LRFN5: variants seen among roughly 807,000 people sequenced by gnomAD.
LRFN5 encodes the protein leucine rich repeat and fibronectin type III domain containing 5.
In LRFN5, 24 loss-of-function variants were observed where a neutral mutation model predicts 45.6. That is an observed-to-expected ratio of 0.53 (90% CI 0.38 to 0.74). LRFN5 has a LOEUF of 0.74. Ranked by LOEUF, LRFN5 falls within the 30% of genes least tolerant of loss-of-function variation. The probability of loss-of-function intolerance (pLI) is 0.00; values close to 1 mark genes in which losing one functional copy is unlikely to be tolerated. For synonymous variants in LRFN5, 340 were observed against 313.8 expected, an observed-to-expected ratio of 1.08 and a Z score of -0.88; for missense variants, 776 against 861.5, an observed-to-expected ratio of 0.90 and a Z score of 1.24.
intron 2 of LRFN5, among the ~76,000 whole-genome samples, chr14:41,875,919 G>A (rs756823324): frequency 3.9e-5 from 6 of 152,130 alleles, no homozygotes; most frequent in East Asian, 1.9e-4. Context: ...TATAGGCCAC[G>A]TATTTAACCA....
At chr14:41,795,565 G>A (rs1196693798) in intron 2 of LRFN5, among the ~76,000 whole-genome samples, 1 of 152,172 alleles carries the variant, frequency 6.6e-6, no homozygotes, top group African/African-American at 2.4e-5. Flanking sequence ...AGAAAATGTG[G>A]CACATATACA....
chr14:41,821,890 A>T (rs1364887835), intron 2 of LRFN5, among the ~76,000 whole-genome samples: 1 of 151,404 alleles, frequency 6.6e-6, no homozygotes, highest in African/African-American at 2.4e-5. Flanking sequence ...CAGTCCTGGG[A>T]GGTTGGATGT....
At chr14:41,879,253 TATG>T (rs1250603950) in intron 2 of LRFN5, among the ~76,000 whole-genome samples, 5 of 151,900 alleles carry the variant, frequency 3.3e-5, no homozygotes, top group Non-Finnish European at 7.4e-5. Context: ...GTTCCTAAAA[TATG>T]ATTAAGTTTT....
chr14:41,674,400 G>A (rs1200889001), intron 1 of LRFN5, among the ~76,000 whole-genome samples: 7 of 132,394 alleles, frequency 5.3e-5, no homozygotes, highest in African/African-American at 1.4e-4. Flanking sequence ...CCTCCCTCCC[G>A]GACGGGGCGG....
intron 2 of LRFN5, among the ~76,000 whole-genome samples, chr14:41,803,186 C>A (rs866685678): frequency 1.8e-4 from 27 of 152,184 alleles, no homozygotes; most frequent in African/African-American, 6.0e-4. Context: ...ATCCCCAGAA[C>A]AAATAATATA....
At position 41,886,820 on chromosome 14, in the gene LRFN5, T is replaced by C. The variant is rs1890589195; in HGVS notation, c.195T>C (p.Asn65=). ...ELRLADNFVT[N]IKRKDFANMT... The stretch of plus-strand genomic sequence containing the variant: ...GGTTGGCAGACAATTTTGTTACAAA[T>C]ATTAAAAGGAAAGATTTTGCCAATA... The change falls in exon 3 of 6, where the codon AAT becomes AAC. Residue 65 remains asparagine, a synonymous_variant. Transcript: ENST00000298119. 6.2e-7 allele frequency: 1 copy of C among 1,614,054 alleles called. No individual in the cohort carries two copies. The highest frequency in any genetic ancestry group is 1.3e-5 in the African/African-American group (1 of 75,034).
intron 2 of LRFN5, among the ~76,000 whole-genome samples, chr14:41,783,553 G>A (rs532683164): frequency 1.3e-5 from 2 of 152,176 alleles, no homozygotes; most frequent in South Asian, 2.1e-4. Flanking sequence ...ATTTTGGTTG[G>A]TAGTTTAGAG....
At chr14:41,690,417 G>C (rs1339728449) in intron 1 of LRFN5, among the ~76,000 whole-genome samples, 1 of 152,068 alleles carries the variant, frequency 6.6e-6, no homozygotes, top group African/African-American at 2.4e-5. Context: ...GCCGGGCATG[G>C]TGGTGTGCAC....
intron 1 of LRFN5, among the ~76,000 whole-genome samples, chr14:41,650,879 CAG>C (rs1165170049): frequency 1.1e-5 from 1 of 89,818 alleles, no homozygotes; most frequent in Non-Finnish European, 1.9e-5. Context: ...AACAAAGAGA[CAG>C]AGAAAGAGAG....
At chr14:41,669,938 T>TAA (rs11418822) in intron 1 of LRFN5, among the ~76,000 whole-genome samples, 1 of 148,906 alleles carries the variant, frequency 6.7e-6, no homozygotes, top group African/African-American at 2.5e-5. Context: ...TATAGTTAAA[T>TAA]AAAAAAAATT....
At chr14:41,647,225 T>C (rs778162853) in intron 1 of LRFN5, among the ~76,000 whole-genome samples, 11 of 152,158 alleles carry the variant, frequency 7.2e-5, no homozygotes, top group Non-Finnish European at 1.5e-4. Flanking sequence ...TAAAATTTTT[T>C]CGATGTCACC....
chr14:41,832,283 C>T (rs900256424), intron 2 of LRFN5, among the ~76,000 whole-genome samples: 1 of 152,162 alleles, frequency 6.6e-6, no homozygotes, highest in African/African-American at 2.4e-5. Flanking sequence ...GGGTTGTTAA[C>T]ATTTTCCATT....
chr14:41,901,736 G>A (rs897682845), intron 5 of LRFN5, among the ~76,000 whole-genome samples: 1 of 151,924 alleles, frequency 6.6e-6, no homozygotes, highest in East Asian at 1.9e-4. Flanking sequence ...CATGAAATAA[G>A]AGCCAAAGAG....
At chr14:41,850,312 A>C (rs12882576) in intron 2 of LRFN5, among the ~76,000 whole-genome samples, 22,166 of 151,862 alleles carry the variant, frequency 0.15, 1,766 homozygotes, top group East Asian at 0.22. Flanking sequence ...AAAGTGATTG[A>C]GGTAGAATAA....
chr14:41,671,880 AG>A (rs1240689525), intron 1 of LRFN5, among the ~76,000 whole-genome samples: 2 of 152,130 alleles, frequency 1.3e-5, no homozygotes, highest in Non-Finnish European at 2.9e-5. Flanking sequence ...GGCCTCCCAC[AG>A]TGCTGAAATT....
intron 2 of LRFN5, among the ~76,000 whole-genome samples, chr14:41,808,689 A>ATAAAT (rs1403300440): frequency 1.3e-5 from 2 of 152,098 alleles, no homozygotes; most frequent in African/African-American, 2.4e-5. Flanking sequence ...AGATGTAAAA[A>ATAAAT]CACTAAAACA....
intron 4 of LRFN5, chr14:41,892,967 G>A: frequency 1.0e-6 from 1 of 984,952 alleles, no homozygotes; most frequent in Non-Finnish European, 1.2e-6. Context: ...TTATCAAAGG[G>A]GTGTTTATTT....
At chr14:41,754,311 A>G (rs1040771258) in intron 1 of LRFN5, among the ~76,000 whole-genome samples, 1 of 152,034 alleles carries the variant, frequency 6.6e-6, no homozygotes, top group African/African-American at 2.4e-5. Context: ...CTCTTTTTCT[A>G]TTGATCAGAA....
chr14:41,674,630 G>A (rs1457442199), intron 1 of LRFN5, among the ~76,000 whole-genome samples: 2 of 150,302 alleles, frequency 1.3e-5, no homozygotes, highest in Admixed American at 6.6e-5. Flanking sequence ...CTCCTGGACG[G>A]GGCGGTTGGC....
Sources: allele counts gnomAD v4.1 joint callset (sites outside exome capture counted in the v4.1 genomes callset), GRCh38; gene constraint gnomAD v4.1.1; transcripts MANE v1.5; gene names NCBI Gene and HGNC (gene_info 2026-07-23, HGNC 2026-07-21).